The following CABCOCO1 variants were observed in gnomAD, a reference collection of about 807,000 sequenced individuals.
CABCOCO1 encodes the protein ciliary-associated calcium-binding coiled-coil protein 1.
CABCOCO1 carries 28 observed loss-of-function variants against 35.7 expected under a neutral mutation model. The ratio of observed to expected loss-of-function variants is 0.78; its 90% CI spans 0.58 to 1.07. CABCOCO1 has a LOEUF of 1.07. Among genes scored for constraint, CABCOCO1 ranks in the 50% least tolerant of loss-of-function variants. The pLI is 0.00. For synonymous variants in CABCOCO1, 95 were observed against 100.1 expected, an observed-to-expected ratio of 0.95 and a Z score of 0.30; for missense variants, 326 against 309.2, an observed-to-expected ratio of 1.05 and a Z score of -0.41.
chr10:61,757,845 C>T (rs991933756), intron 5 of CABCOCO1, among the ~76,000 whole-genome samples: 2 of 151,940 alleles, frequency 1.3e-5, no homozygotes, highest in Admixed American at 6.6e-5. Flanking sequence ...TACCTGCTTA[C>T]ATTTAAGTGT....
intron 5 of CABCOCO1, among the ~76,000 whole-genome samples, chr10:61,707,105 GT>G (rs1450777462): frequency 6.6e-6 from 1 of 152,186 alleles, no homozygotes; most frequent in Non-Finnish European, 1.5e-5. Context: ...GAATTGGGTT[GT>G]TCATGTATGT....
chr10:61,706,996 A>T (rs2393831), intron 5 of CABCOCO1, among the ~76,000 whole-genome samples: 1 of 151,810 alleles, frequency 6.6e-6, no homozygotes, highest in Non-Finnish European at 1.5e-5. Flanking sequence ...AACCCTCCTC[A>T]ATGACCCATT....
Position 61,766,135 on chromosome 10 carries a change from C to G in CABCOCO1, c.*122C>G, listed in dbSNP as rs78598937. On this transcript the variant is annotated 3_prime_UTR_variant, in exon 8 of 8. Coordinates refer to ENST00000648843, the MANE Select transcript of CABCOCO1 (RefSeq NM_001366906.2). The stretch of plus-strand genomic sequence containing the variant: ...GTTGTGAAAGGAAAACCAAGCCCCA[C>G]TTTTTATTTTCCTAAGTAATTAGAA... 5.5e-3 allele frequency: 4,869 copies of G among 880,102 alleles called. 111 individuals carry two copies. The highest frequency in any genetic ancestry group is 0.034 in the East Asian group (1,263 of 37,288). The allele number at this position is 880,102 out of a possible 1,614,324, so 54.5% of individuals were successfully genotyped here.
In CABCOCO1 at chr10:61,751,121, C is replaced by G. The variant is rs530172867; in HGVS notation, c.553-8938C>G. 9.3e-4 allele frequency among the ~76,000 whole-genome samples: 141 copies of G among 152,142 alleles called. 1 individual carries two copies. In the South Asian group the frequency reaches 0.029, roughly 31 times the overall value. ...TGGCAGGATGCAGGGAAAAGCTCCC[C>G]CAGCAGAGGGAGCAGCACAGGCAAT... is the stretch of plus-strand genomic sequence containing the variant. On this transcript the variant is annotated intron_variant, in intron 5 of 7. Coordinates refer to ENST00000648843, the MANE Select transcript of CABCOCO1 (RefSeq NM_001366906.2).
chr10:61,760,330 ATGAGTCCGC>A, intron 6 of CABCOCO1, 149 bp downstream of exon 6: 1 of 1,128,638 alleles, frequency 8.9e-7, no homozygotes. Context: ...TGATTCAAAG[ATGAGTCCGC>A]TGATGGTAGT....
rs1840050299 is a variant in CABCOCO1 at position 61,688,977 on chromosome 10, G to A, written c.480-1572G>A. Among the ~76,000 whole-genome samples, 3 of 152,146 alleles carry A rather than the reference G, an allele frequency of 2.0e-5. 1 individual carries two copies. In the South Asian group the frequency reaches 6.2e-4, roughly 32 times the overall value. On this transcript the variant is annotated intron_variant, in intron 4 of 7. Coordinates refer to ENST00000648843, the MANE Select transcript of CABCOCO1 (RefSeq NM_001366906.2). The stretch of plus-strand genomic sequence containing the variant: ...GCTTTGACCACCGCATACAAATCAT[G>A]CATTTCGTTTTCAGTGTTAAGAAGT...
chr10:61,722,620 A>T (rs1472851012), intron 5 of CABCOCO1, among the ~76,000 whole-genome samples: 1 of 152,136 alleles, frequency 6.6e-6, no homozygotes, highest in Admixed American at 6.5e-5. Flanking sequence ...TGAATTTTTT[A>T]AATAAATGAA....
chr10:61,677,376 G>A (rs1448830456), intron 2 of CABCOCO1, among the ~76,000 whole-genome samples: 3 of 152,026 alleles, frequency 2.0e-5, no homozygotes, highest in African/African-American at 4.8e-5. Context: ...AAGCCCATGT[G>A]GGAATACATA....
chr10:61,758,111 C>A (rs1345337038), intron 5 of CABCOCO1, among the ~76,000 whole-genome samples: 1 of 152,010 alleles, frequency 6.6e-6, no homozygotes, highest in Non-Finnish European at 1.5e-5. Flanking sequence ...TCAGTAGACT[C>A]CATTCAATTC....
chr10:61,709,301 C>A (rs1454536182), intron 5 of CABCOCO1, among the ~76,000 whole-genome samples: 3 of 151,994 alleles, frequency 2.0e-5, no homozygotes, highest in Non-Finnish European at 4.4e-5. Flanking sequence ...TTATTCCTAA[C>A]AAATGTACAT....
At chr10:61,754,586 A>T (rs1365491247) in intron 5 of CABCOCO1, among the ~76,000 whole-genome samples, 2 of 152,114 alleles carry the variant, frequency 1.3e-5, no homozygotes, top group South Asian at 2.1e-4. Flanking sequence ...CTAACTTTTT[A>T]AAAAATGATT....
At chr10:61,713,015 T>C (rs1840770119) in intron 5 of CABCOCO1, among the ~76,000 whole-genome samples, 2 of 152,226 alleles carry the variant, frequency 1.3e-5, no homozygotes, top group South Asian at 2.1e-4. Flanking sequence ...ATATGAACTT[T>C]AAAGTAGCTT....
At chr10:61,664,820 T>C (rs1839116027) in intron 1 of CABCOCO1, among the ~76,000 whole-genome samples, 1 of 152,168 alleles carries the variant, frequency 6.6e-6, no homozygotes, top group South Asian at 2.1e-4. Flanking sequence ...TTTGTGCTGA[T>C]TGGGGGTGTC....
At chr10:61,698,189 T>C (rs1399781216) in intron 5 of CABCOCO1, among the ~76,000 whole-genome samples, 2 of 152,196 alleles carry the variant, frequency 1.3e-5, no homozygotes. Context: ...AGATTAAGTC[T>C]GCTTTAATAA....
chr10:61,681,239 A>T lies in CABCOCO1; in HGVS notation c.261A>T (p.Arg87Ser). ...DYYVSGFLWARGMDFSIIQYS... is the reference protein window; with the variant it reads ...DYYVSGFLWASGMDFSIIQYS... Reference sequence around the variant, plus strand: ...ATGTATCTGGATTTTTGTGGGCTAGAGGAATGGATTTCTCTATTATTCAGT... The same window carrying T: ...ATGTATCTGGATTTTTGTGGGCTAGTGGAATGGATTTCTCTATTATTCAGT... Residue 87 changes from arginine (R) to serine (S), a missense_variant, in exon 3 of 8, where the codon AGA (arginine) becomes AGT (serine). Physicochemically the swap from Arg to Ser is moderately radical, Grantham distance 110 (BLOSUM62 -1). Transcript: ENST00000648843. 1 of 1,572,800 alleles carries T rather than the reference A, an allele frequency of 6.4e-7. No individual in the cohort carries two copies.
chr10:61,757,294 T>C (rs1184387476), intron 5 of CABCOCO1, among the ~76,000 whole-genome samples: 1 of 152,146 alleles, frequency 6.6e-6, no homozygotes, highest in Non-Finnish European at 1.5e-5. Flanking sequence ...CTGGGCATTA[T>C]GTTTATTTCA....
intron 5 of CABCOCO1, among the ~76,000 whole-genome samples, chr10:61,732,528 A>G (rs1841327153): frequency 6.6e-6 from 1 of 152,106 alleles, no homozygotes; most frequent in Non-Finnish European, 1.5e-5. Context: ...AGCCCACTTT[A>G]ACTTTTTACC....
intron 5 of CABCOCO1, among the ~76,000 whole-genome samples, chr10:61,716,158 A>T (rs1840860982): frequency 6.6e-6 from 1 of 152,134 alleles, no homozygotes; most frequent in Non-Finnish European, 1.5e-5. Context: ...TATTCAATAT[A>T]TTTTTTTCTG....
intron 1 of CABCOCO1, among the ~76,000 whole-genome samples, chr10:61,664,040 A>G (rs932162114): frequency 7.9e-5 from 12 of 152,212 alleles, no homozygotes; most frequent in Non-Finnish European, 1.3e-4. Flanking sequence ...CAAGGAGCCA[A>G]TAATTCCATG....
Sources: gnomAD v4.1 joint callset for allele counts (sites outside exome capture counted in the v4.1 genomes callset) on GRCh38, gnomAD v4.1.1 for gene constraint, MANE v1.5 for transcripts, NCBI Gene and HGNC (gene_info 2026-07-23, HGNC 2026-07-21) for gene names.